Variants in DYNC2H1 observed in about 807,000 individuals in gnomAD.
DYNC2H1 encodes the protein cytoplasmic dynein 2 heavy chain 1.
Under a neutral mutation model 570.0 loss-of-function variants are expected in DYNC2H1, and 410 were observed. The ratio of observed to expected loss-of-function variants is 0.72; its 90% CI spans 0.66 to 0.78. DYNC2H1 has a LOEUF of 0.78. DYNC2H1 is among the 30% of genes least tolerant of loss of function. DYNC2H1 has a pLI of 0.00. For synonymous variants in DYNC2H1, 1,688 were observed against 1,677.6 expected, an observed-to-expected ratio of 1.01 and a Z score of -0.15; for missense variants, 4,865 against 5,046.4, an observed-to-expected ratio of 0.96 and a Z score of 1.09.
chr11:103,323,876 T>G lies in DYNC2H1; in HGVS notation c.11935-10T>G. 6.2e-7 allele frequency: 1 copy of G among 1,603,508 alleles called. No homozygotes were observed. Among genetic ancestry groups the G allele is most frequent in the Non-Finnish European group, 8.5e-7 (1 of 1,174,426 alleles). On this transcript the variant is annotated splice_polypyrimidine_tract_variant and intron_variant, in intron 81 of 88. Coordinates refer to ENST00000375735, the MANE Select transcript of DYNC2H1 (RefSeq NM_001377.3). The stretch of plus-strand genomic sequence containing the variant: ...TTTAAAAAAACTGTTTTTCACTTCT[T>G]TATATTTAGGACTATCGTGCTGTCA...
chr11:103,324,006 G>C lies in DYNC2H1; in HGVS notation c.12039+16G>C. 6.4e-7 allele frequency: 1 copy of C among 1,567,018 alleles called. No individual in the cohort carries two copies. The highest frequency in any genetic ancestry group is 8.6e-7 in the Non-Finnish European group (1 of 1,159,436). On this transcript the variant is annotated intron_variant, in intron 82 of 88. Coordinates refer to ENST00000375735, the MANE Select transcript of DYNC2H1 (RefSeq NM_001377.3). This position sits in a 1 kb window ranked among gnomAD's most constrained non-coding sequence, Gnocchi z 5.2. ...CAGTTCTCAGGTAACCTAAAAAAAA[G>C]ATCTACCTTCAAAAAAAGTTGCTAG...
chr11:103,474,929 C>T (rs1228690426), intron 88 of DYNC2H1, among the ~76,000 whole-genome samples: 1 of 152,102 alleles, frequency 6.6e-6, no homozygotes, highest in African/African-American at 2.4e-5. Flanking sequence ...TAGTGTATTG[C>T]TTGCTATTTG....
chr11:103,290,006 C>T (rs943759916), intron 75 of DYNC2H1, among the ~76,000 whole-genome samples: 1 of 151,874 alleles, frequency 6.6e-6, no homozygotes, highest in East Asian at 1.9e-4. Flanking sequence ...TTTTAGTCAA[C>T]CACGAGAACC....
rs1864335142 is a variant in DYNC2H1 at position 103,239,228 on chromosome 11, T to G, written c.9819+2689T>G. ...TTTAACCACTCAAAATTTCATAGAT[T>G]TTTTTTTCTTGCTGCCTTTTGGTAT... On this transcript the variant is annotated intron_variant, in intron 63 of 88. Transcript: ENST00000375735. This position sits in a 1 kb window ranked among gnomAD's most constrained non-coding sequence, Gnocchi z 4.3. 1.3e-5 allele frequency among the ~76,000 whole-genome samples: 2 copies of G among 152,060 alleles called. No individual in the cohort carries two copies. Among genetic ancestry groups the G allele is most frequent in the African/African-American group, 4.8e-5 (2 of 41,424 alleles).
chr11:103,445,968 T>C (rs549222812), intron 85 of DYNC2H1, among the ~76,000 whole-genome samples: 3 of 152,224 alleles, frequency 2.0e-5, no homozygotes, highest in African/African-American at 7.2e-5. Flanking sequence ...TTCAAAGTTT[T>C]GTCCTAAGCA....
chr11:103,134,155 G>A (rs1859416146), intron 14 of DYNC2H1, among the ~76,000 whole-genome samples, 166 bp from the exon 15 acceptor site: 1 of 152,198 alleles, frequency 6.6e-6, no homozygotes, highest in Admixed American at 6.5e-5. Context: ...TAGCACAGAA[G>A]TGATGTTTTG....
At chr11:103,187,828 C>G (rs1308983453) in intron 43 of DYNC2H1, among the ~76,000 whole-genome samples, 1 of 152,026 alleles carries the variant, frequency 6.6e-6, no homozygotes, top group Non-Finnish European at 1.5e-5. Context: ...CACTCTACAT[C>G]TATTACTTGT....
intron 69 of DYNC2H1, among the ~76,000 whole-genome samples, chr11:103,258,787 A>G (rs1865159495): frequency 6.6e-6 from 1 of 152,238 alleles, no homozygotes; most frequent in African/African-American, 2.4e-5. Flanking sequence ...AGCAGTCACA[A>G]ATCTATGTAG....
intron 65 of DYNC2H1, among the ~76,000 whole-genome samples, chr11:103,246,042 T>C (rs924937799): frequency 2.0e-5 from 3 of 152,146 alleles, no homozygotes; most frequent in Admixed American, 2.0e-4. Flanking sequence ...CACTATTCTC[T>C]GATAACCTAT....
chr11:103,157,079 AT>A lies in DYNC2H1; in HGVS notation c.4127+312del, dbSNP rs573382876. On this transcript the variant is annotated intron_variant, in intron 26 of 88. Transcript: ENST00000375735. The surrounding 1 kb of genome is among the most constrained non-coding windows in gnomAD (Gnocchi z 4.2). Reference sequence around the variant, plus strand: ...TTATTTTACTTTATCTCTCATTAGTATTTAATAGAGTTGAGCATTTCTTCTT... The same window carrying A: ...TTATTTTACTTTATCTCTCATTAGTATTAATAGAGTTGAGCATTTCTTCTT... Among the ~76,000 whole-genome samples, 43 of 152,186 alleles carry A rather than the reference AT, an allele frequency of 2.8e-4. No individual in the cohort carries two copies. Among genetic ancestry groups the A allele is most frequent in the Non-Finnish European group, 4.7e-4 (32 of 68,004 alleles).
At position 103,280,141 on chromosome 11, in the gene DYNC2H1, G is replaced by C. The variant is rs1386999; in HGVS notation, c.10696-207G>C. ...AATTGTTAGTGCTTTCTCCAAAAAT[G>C]TGATCACTTACTTACTCTGACCCCA... On this transcript the variant is annotated intron_variant, in intron 70 of 88. Coordinates refer to ENST00000375735, the MANE Select transcript of DYNC2H1 (RefSeq NM_001377.3). The surrounding 1 kb of genome is among the most constrained non-coding windows in gnomAD (Gnocchi z 4.7). Among the ~76,000 whole-genome samples, 1 of 151,812 alleles carries C rather than the reference G, an allele frequency of 6.6e-6. No individual in the cohort carries two copies.
In DYNC2H1 at chr11:103,235,809, T is replaced by A. The variant is rs1304219050; in HGVS notation, c.9705T>A (p.Leu3235=). 3 of 1,610,754 alleles carry A rather than the reference T, an allele frequency of 1.9e-6. No individual in the cohort carries two copies. In the South Asian group the frequency reaches 3.3e-5, roughly 18 times the overall value. ...CLEEWTKSAG[L]EKFDLRRFLC... ...AAGAATGGACCAAGTCAGCTGGTCT[T>A]GAGAGTTTGTATTTAGTTATTCCTG... The change falls in exon 62 of 89, where the codon CTT becomes CTA. Residue 3235 remains leucine (L), a synonymous_variant. Coordinates refer to ENST00000375735, the MANE Select transcript of DYNC2H1 (RefSeq NM_001377.3).
Position 103,289,990 on chromosome 11 carries a change from G to A in DYNC2H1, c.11095+2385G>A, listed in dbSNP as rs1459815941. On this transcript the variant is annotated intron_variant, in intron 75 of 88. Transcript: ENST00000375735. This position sits in a 1 kb window ranked among gnomAD's most constrained non-coding sequence, Gnocchi z 4.2. ...GTGCAACTGCAAGCCAAGGAACACT[G>A]AAGATTTTTAGTCAACCACGAGAAC... 6.6e-6 allele frequency among the ~76,000 whole-genome samples: 1 copy of A among 151,720 alleles called. No individual in the cohort carries two copies. The highest frequency in any genetic ancestry group is 1.5e-5 in the Non-Finnish European group (1 of 67,954).
intron 84 of DYNC2H1, among the ~76,000 whole-genome samples, chr11:103,423,093 T>C (rs1456861547): frequency 6.6e-6 from 1 of 152,144 alleles, no homozygotes; most frequent in Non-Finnish European, 1.5e-5. Flanking sequence ...TCTTACACTT[T>C]GTGATTTCAA....
At chr11:103,409,300 G>A (rs1201976426) in intron 84 of DYNC2H1, among the ~76,000 whole-genome samples, 4 of 152,004 alleles carry the variant, frequency 2.6e-5, no homozygotes, top group Non-Finnish European at 5.9e-5. Context: ...TTTGATGTAA[G>A]CTTATGTGAT....
chr11:103,148,002 TA>T, intron 19 of DYNC2H1, 115 bp downstream of exon 19: 2 of 722,082 alleles, frequency 2.8e-6, no homozygotes, highest in Non-Finnish European at 4.4e-6. Flanking sequence ...TGAACTAATT[TA>T]AAAAAAGCAG....
rs188923051 is a variant in DYNC2H1, at chr11:103,387,707, G to A, written c.12157-11956G>A. ...GGTGTAAGGAAGGGATCCAGTTTCA[G>A]CTTTCTATATATGGCTAGCCAGTTT... On this transcript the variant is annotated intron_variant, in intron 83 of 88. Coordinates refer to ENST00000375735, the MANE Select transcript of DYNC2H1 (RefSeq NM_001377.3). Among the ~76,000 whole-genome samples the A allele has an allele frequency of 3.2e-4, 48 of 152,204 alleles. No homozygotes were observed. The East Asian group carries it at 9.1e-3, about 29-fold the overall frequency.
At chr11:103,416,529 T>C (rs1943289690) in intron 84 of DYNC2H1, among the ~76,000 whole-genome samples, 1 of 152,176 alleles carries the variant, frequency 6.6e-6, no homozygotes, top group Non-Finnish European at 1.5e-5. Flanking sequence ...ATCTGATGTT[T>C]GACAAACCTG....
intron 13 of DYNC2H1, among the ~76,000 whole-genome samples, chr11:103,131,949 GCTT>G (rs538523878): frequency 3.9e-4 from 59 of 152,218 alleles, no homozygotes; most frequent in African/African-American, 1.4e-3. Context: ...GGTTTACTCA[GCTT>G]CTTGAATCTG....
Sources: gnomAD v4.1 joint callset for allele counts (sites outside exome capture counted in the v4.1 genomes callset) on GRCh38, gnomAD v4.1.1 for gene constraint, Gnocchi (gnomAD v3.1) non-coding constraint, MANE v1.5 for transcripts, NCBI Gene and HGNC (gene_info 2026-07-23, HGNC 2026-07-21) for gene names.